HS1BP3: variants seen among roughly 807,000 people sequenced by gnomAD.
HS1BP3 encodes HCLS1 binding protein 3.
HS1BP3 carries 32 observed loss-of-function variants against 33.5 expected under a neutral mutation model. That is an observed-to-expected ratio of 0.95 (90% CI 0.72 to 1.28). HS1BP3 has a LOEUF of 1.28. Among genes scored for constraint, HS1BP3 ranks in the 50% most tolerant of loss-of-function variants. The probability of loss-of-function intolerance (pLI) is 0.00; values close to 1 mark genes in which losing one functional copy is unlikely to be tolerated. For missense variants in HS1BP3, 486 were observed against 502.3 expected (o/e 0.97, Z 0.31); for synonymous variants, 187 against 209.2 (o/e 0.89, Z 0.92).
At chr2:20,642,854 G>A (rs1285839158) in intron 2 of HS1BP3, among the ~76,000 whole-genome samples, 1 of 152,228 alleles carries the variant, frequency 6.6e-6, no homozygotes, top group Non-Finnish European at 1.5e-5. Context: ...GCCAGGCACT[G>A]CTGAGCACGG....
chr2:20,635,244 T>C lies in HS1BP3; in HGVS notation c.623+3192A>G, dbSNP rs1364510760. Reference sequence around the variant, plus strand: ...AAGTTCCTCAGGTTATTGCCTGTAATAGCAAAAACCTACAGAAAACCCCGC... The same window carrying C: ...AAGTTCCTCAGGTTATTGCCTGTAACAGCAAAAACCTACAGAAAACCCCGC... On this transcript the variant is annotated intron_variant, in intron 4 of 6. Transcript: ENST00000304031. The C allele has an allele frequency of 2.6e-5, 4 of 152,064 alleles. No individual in the cohort carries two copies. The East Asian group carries it at 7.7e-4, about 29-fold the overall frequency. 9.4% of individuals were successfully genotyped at this position (152,064 alleles called of 1,614,324 possible). A position where few individuals can be genotyped will look rare whatever the true frequency, so the allele number is the denominator to read the frequency against.
intron 4 of HS1BP3, among the ~76,000 whole-genome samples, chr2:20,627,658 C>T (rs1249329919): frequency 2.0e-5 from 3 of 152,298 alleles, no homozygotes; most frequent in South Asian, 2.1e-4. Context: ...CACACGCGGG[C>T]GGCTCCAGCA....
chr2:20,626,333 C>T (rs1214921642), intron 4 of HS1BP3, among the ~76,000 whole-genome samples: 2 of 152,230 alleles, frequency 1.3e-5, no homozygotes, highest in Non-Finnish European at 2.9e-5. Context: ...GGCTGCAGGA[C>T]AGAGCATCCT....
chr2:20,624,998 CCATGGG>C (rs1227562407), intron 4 of HS1BP3, 106 bp from the exon 5 acceptor site: 28 of 1,357,600 alleles, frequency 2.1e-5, no homozygotes, highest in Non-Finnish European at 2.9e-5. Flanking sequence ...GGGCTGGATG[CCATGGG>C]CCAGAAAAGA....
chr2:20,580,363 C>CA (rs1293117519), intron 5 of HS1BP3, among the ~76,000 whole-genome samples: 1 of 152,032 alleles, frequency 6.6e-6, no homozygotes, highest in Non-Finnish European at 1.5e-5. Flanking sequence ...TACTAAAATA[C>CA]AAAAAATTAG....
chr2:20,577,936 C>T (rs763030817), intron 5 of HS1BP3, among the ~76,000 whole-genome samples: 17 of 152,262 alleles, frequency 1.1e-4, no homozygotes, highest in Non-Finnish European at 2.1e-4. Context: ...TCAGGGCACT[C>T]GTTCCTCAAG....
chr2:20,566,103 C>T (rs1359611367), intron 5 of HS1BP3, among the ~76,000 whole-genome samples: 2 of 152,244 alleles, frequency 1.3e-5, no homozygotes, highest in Non-Finnish European at 2.9e-5. Flanking sequence ...TTTCCCAGGA[C>T]AGGAGGCTCT....
the HS1BP3 span, among the ~76,000 whole-genome samples, chr2:20,555,343 C>G: frequency 0.17 from 25,214 of 152,176 alleles, 2,178 homozygotes; most frequent in South Asian, 0.25. Context: ...TTTTTGGGGC[C>G]CAGGGCAGAA....
downstream of HS1BP3, among the ~76,000 whole-genome samples, chr2:20,616,098 G>A (rs62125676): frequency 0.052 from 7,949 of 152,272 alleles, 225 homozygotes; most frequent in African/African-American, 0.064. Context: ...AACAGGCTTC[G>A]AAATAAACAA....
At position 20,640,430 on chromosome 2, in the gene HS1BP3, G is replaced by T. The variant is rs529056204; in HGVS notation, c.406+543C>A. The T allele has an allele frequency of 2.2e-5, 5 of 229,914 alleles. No individual in the cohort carries two copies. In the Admixed American group the frequency reaches 2.7e-4, roughly 12 times the overall value. The allele number at this position is 229,914 out of a possible 1,614,324, so 14.2% of individuals were successfully genotyped here. The stretch of plus-strand genomic sequence containing the variant: ...GACAGGGCCAGGACACCCATGGGAA[G>T]GGCTTGACGTCTCCACCACTGGGGG... On this transcript the variant is annotated intron_variant, in intron 3 of 6. Transcript: ENST00000304031.
intron 2 of HS1BP3, chr2:20,606,436 C>T (rs544471496): frequency 2.1e-6 from 1 of 476,102 alleles, no homozygotes; most frequent in East Asian, 5.3e-5. Context: ...GTCTCTCAGA[C>T]ACCATAGCTG....
chr2:20,599,265 C>G (rs1370877571), intron 2 of HS1BP3, among the ~76,000 whole-genome samples: 3 of 152,240 alleles, frequency 2.0e-5, no homozygotes, highest in African/African-American at 7.2e-5. Flanking sequence ...GCAGTACCCA[C>G]AGGTCCCACT....
Position 20,619,345 on chromosome 2 carries a change from G to A in HS1BP3, c.921-100C>T. On this transcript the variant is annotated intron_variant, in intron 6 of 6. Transcript: ENST00000304031. ...AGTGCCCACACGGGGCTGGGCAGCG[G>A]CAGGGAGCCCAGCCTCGGCCAGGTC... 4 of 1,076,416 alleles carry A rather than the reference G, an allele frequency of 3.7e-6. No individual in the cohort carries two copies. The South Asian group carries it at 4.9e-5, about 13-fold the overall frequency. The allele number at this position is 1,076,416 out of a possible 1,614,324, so 66.7% of individuals were successfully genotyped here.
intron 2 of HS1BP3, among the ~76,000 whole-genome samples, chr2:20,609,358 A>G (rs970037634): frequency 3.9e-5 from 6 of 152,228 alleles, no homozygotes; most frequent in African/African-American, 1.2e-4. Context: ...GGAGACCTTC[A>G]GTAAGATTGC....
chr2:20,557,712 G>A (rs16987826), downstream of HS1BP3, among the ~76,000 whole-genome samples: 1,147 of 152,312 alleles, frequency 7.5e-3, 22 homozygotes, highest in Middle Eastern at 0.031. Flanking sequence ...AGAGGCCTTC[G>A]GAGAGCATCA....
intron 6 of HS1BP3, 170 bp downstream of exon 6, chr2:20,623,726 C>G (rs1301582386): frequency 1.4e-6 from 1 of 692,642 alleles, no homozygotes; most frequent in East Asian, 3.1e-5. Context: ...TCCCCCTCAG[C>G]CCCCTTCACC....
rs149646332 is a variant in HS1BP3 at position 20,645,386 on chromosome 2, G to A, written c.152C>T (p.Ala51Val). ...GGGCCTGTGCTTGGCCGACTTGAAC[G>A]CAGCCAGACGGGTCACCACCAGGAT... is the stretch of plus-strand genomic sequence containing the variant. ...YQILVVTRLA[A>V]FKSAKHRPED... is the part of the protein sequence containing the mutation. Residue 51 changes from alanine (A) to valine (V), a missense_variant, in exon 2 of 7, where the codon GCG becomes GTG. Physicochemically the swap from Ala to Val is moderately conservative, Grantham distance 64. Coordinates refer to ENST00000304031, the MANE Select transcript of HS1BP3 (RefSeq NM_022460.4). 1.6e-4 allele frequency: 255 copies of A among 1,613,998 alleles called. No homozygotes were observed. Among genetic ancestry groups the A allele is most frequent in the Admixed American group, 3.5e-4 (21 of 60,014 alleles).
intron 2 of HS1BP3, among the ~76,000 whole-genome samples, chr2:20,642,645 T>C (rs1695392545): frequency 6.6e-6 from 1 of 152,136 alleles, no homozygotes; most frequent in African/African-American, 2.4e-5. Context: ...GGAACCTCCA[T>C]CTCCAGGGCA....
At chr2:20,565,926 C>T (rs1693115519) in intron 5 of HS1BP3, among the ~76,000 whole-genome samples, 1 of 152,232 alleles carries the variant, frequency 6.6e-6, no homozygotes, top group South Asian at 2.1e-4. Flanking sequence ...AAAAGAACAG[C>T]CATCATTCAT....
Sources: allele counts gnomAD v4.1 joint callset (sites outside exome capture counted in the v4.1 genomes callset), GRCh38; gene constraint gnomAD v4.1.1; transcripts MANE v1.5; gene names NCBI Gene and HGNC (gene_info 2026-07-23, HGNC 2026-07-21).